TCF12: variants seen among roughly 807,000 people sequenced by gnomAD.
TCF12 encodes transcription factor 12.
In TCF12, 45 loss-of-function variants were observed where a neutral mutation model predicts 86.0. The ratio of observed to expected loss-of-function variants is 0.52; its 90% CI spans 0.41 to 0.67. TCF12 has a LOEUF of 0.67. Ranked by LOEUF, TCF12 falls within the 30% of genes least tolerant of loss-of-function variation. TCF12 has a pLI of 0.00. For synonymous variants in TCF12, 330 were observed against 299.6 expected, an observed-to-expected ratio of 1.10 and a Z score of -1.05; for missense variants, 881 against 859.9, an observed-to-expected ratio of 1.02 and a Z score of -0.31.
At chr15:57,219,886 C>T (rs2058507649) in intron 8 of TCF12, among the ~76,000 whole-genome samples, 1 of 151,922 alleles carries the variant, frequency 6.6e-6, no homozygotes. Flanking sequence ...CCACCATGCC[C>T]AGCTAATTTT....
intron 6 of TCF12, among the ~76,000 whole-genome samples, chr15:57,170,759 T>TTA (rs1222334982): frequency 2.1e-4 from 7 of 32,644 alleles, no homozygotes; most frequent in East Asian, 8.9e-4. Context: ...ATATTATATA[T>TTA]TATATATATA....
intron 6 of TCF12, among the ~76,000 whole-genome samples, chr15:57,190,737 C>G (rs2056937365): frequency 6.6e-6 from 1 of 152,162 alleles, no homozygotes; most frequent in Non-Finnish European, 1.5e-5. Context: ...AAGCACTTCA[C>G]AAAGTCTCAT....
intron 5 of TCF12, among the ~76,000 whole-genome samples, chr15:57,098,127 G>A (rs1034366545): frequency 6.6e-6 from 1 of 151,560 alleles, no homozygotes; most frequent in African/African-American, 2.4e-5. Flanking sequence ...AGAGGTTGCA[G>A]TGAGCCCAGA....
At chr15:57,214,345 G>T (rs2058245631) in intron 8 of TCF12, 1 of 152,130 alleles carries the variant, frequency 6.6e-6, no homozygotes, top group Admixed American at 6.6e-5. Context: ...ATGTCGGAGG[G>T]ATACAATTTA....
chr15:57,179,225 G>T (rs2056166949), intron 6 of TCF12, among the ~76,000 whole-genome samples: 1 of 152,234 alleles, frequency 6.6e-6, no homozygotes, highest in Non-Finnish European at 1.5e-5. Context: ...CGGGACTCAT[G>T]CCTGTAATCC....
chr15:56,974,048 G>A (rs370682656), intron 3 of TCF12, among the ~76,000 whole-genome samples: 3 of 152,112 alleles, frequency 2.0e-5, no homozygotes, highest in Non-Finnish European at 4.4e-5. Context: ...AGTGCGTTCA[G>A]TGTTCGTGGC....
intron 3 of TCF12, among the ~76,000 whole-genome samples, chr15:56,979,523 A>G (rs2062783365): frequency 6.6e-6 from 1 of 152,226 alleles, no homozygotes; most frequent in Non-Finnish European, 1.5e-5. Flanking sequence ...ATGGAAGGCA[A>G]ACATTCTGTT....
intron 7 of TCF12, 94 bp downstream of exon 7, chr15:57,192,387 TTCTTTCCG>T: frequency 6.8e-7 from 1 of 1,460,790 alleles, no homozygotes. Flanking sequence ...TTTTTTTTTT[TTCTTTCCG>T]TTTCTTTGTT....
intron 5 of TCF12, among the ~76,000 whole-genome samples, chr15:57,150,345 A>G (rs950133619): frequency 2.6e-5 from 4 of 152,330 alleles, no homozygotes; most frequent in Non-Finnish European, 4.4e-5. Context: ...TCTTTCTCCA[A>G]TGAACCAAAG....
chr15:57,239,537 T>C (rs1229330656), intron 12 of TCF12, among the ~76,000 whole-genome samples: 2 of 131,258 alleles, frequency 1.5e-5, no homozygotes, highest in Admixed American at 1.5e-4. Flanking sequence ...AAAAAAGTTT[T>C]TGAGGACAGT....
chr15:57,187,667 C>G (rs143932959), intron 6 of TCF12, among the ~76,000 whole-genome samples: 1 of 152,162 alleles, frequency 6.6e-6, no homozygotes, highest in Non-Finnish European at 1.5e-5. Context: ...CATGGTGGCT[C>G]ATGCCTGTAA....
chr15:57,155,801 A>G (rs1440023610), intron 5 of TCF12, among the ~76,000 whole-genome samples: 1 of 152,194 alleles, frequency 6.6e-6, no homozygotes, highest in Non-Finnish European at 1.5e-5. Flanking sequence ...TGAGAACATA[A>G]AACACATGCA....
chr15:56,956,435 G>A (rs2061507690), intron 3 of TCF12, among the ~76,000 whole-genome samples: 1 of 151,694 alleles, frequency 6.6e-6, no homozygotes, highest in Non-Finnish European at 1.5e-5. Flanking sequence ...TGGACTTCAG[G>A]TGATATTATG....
rs62022214 is a variant in TCF12 at position 57,192,481 on chromosome 15, T to A, written c.526+188T>A. Reference sequence around the variant, plus strand: ...TTGGCTTACCGCAGTCTCAACCTCCTGTGCTCAAGCCGTCCTCCCACCTCA... The same window carrying A: ...TTGGCTTACCGCAGTCTCAACCTCCAGTGCTCAAGCCGTCCTCCCACCTCA... On this transcript the variant is annotated intron_variant, in intron 7 of 20. Coordinates refer to ENST00000333725, the MANE Select transcript of TCF12 (RefSeq NM_207037.2). Among the ~76,000 whole-genome samples the A allele has an allele frequency of 0.011, 1,741 of 152,192 alleles. 13 individuals are homozygous for A. The highest frequency in any genetic ancestry group is 0.017 in the Non-Finnish European group (1,163 of 67,982).
chr15:56,920,522 AC>A (rs1361737823), intron 2 of TCF12, among the ~76,000 whole-genome samples: 55 of 121,226 alleles, frequency 4.5e-4, no homozygotes, highest in African/African-American at 1.6e-3. Context: ...TATGTTCTTA[AC>A]ATGGGAAATG....
chr15:56,919,072 T>G (rs765465387), intron 1 of TCF12, 166 bp downstream of exon 1: 5 of 150,186 alleles, frequency 3.3e-5, no homozygotes. Flanking sequence ...GGGAGCGGAG[T>G]GGGGGCGGAG....
At chr15:56,934,346 G>A (rs1485607862) in intron 3 of TCF12, among the ~76,000 whole-genome samples, 1 of 152,174 alleles carries the variant, frequency 6.6e-6, no homozygotes, top group Non-Finnish European at 1.5e-5. Context: ...GTTTTAAAGA[G>A]TTAAAAAGTT....
intron 5 of TCF12, among the ~76,000 whole-genome samples, chr15:57,116,809 A>G (rs753564867): frequency 3.3e-5 from 5 of 152,188 alleles, no homozygotes; most frequent in South Asian, 2.1e-4. Context: ...ATTTTTCTCT[A>G]TATAATTTAA....
Position 57,232,752 on chromosome 15 carries a change from C to T in TCF12, c.866C>T (p.Thr289Met). ...TCAGTTTCACCAACAGACATAAACA[C>T]GAGTCTTCCACCAATGTCCAGCTTT... ...PHSVSPTDIN[T>M]SLPPMSSFHR... Residue 289 changes from threonine (T) to methionine (M), a missense_variant, in exon 11 of 21, where the codon ACG becomes ATG. Transcript: ENST00000333725. 1.9e-6 allele frequency: 3 copies of T among 1,612,036 alleles called. No homozygotes were observed. Among genetic ancestry groups the T allele is most frequent in the East Asian group, 2.2e-5 (1 of 44,674 alleles).
Sources: allele counts gnomAD v4.1 joint callset (sites outside exome capture counted in the v4.1 genomes callset), GRCh38; gene constraint gnomAD v4.1.1; transcripts MANE v1.5; gene names NCBI Gene and HGNC (gene_info 2026-07-23, HGNC 2026-07-21).